The following ASXL2 variants were observed in gnomAD, a reference collection of about 807,000 sequenced individuals.
ASXL2 encodes putative Polycomb group protein ASXL2.
In ASXL2, 23 loss-of-function variants were observed where a neutral mutation model predicts 122.0. The ratio of observed to expected loss-of-function variants is 0.19; its 90% CI spans 0.14 to 0.27. The LOEUF is 0.27. Among genes scored for constraint, ASXL2 ranks in the 10% least tolerant of loss-of-function variants. The pLI is 1.00. For synonymous variants in ASXL2, 650 were observed against 637.0 expected (o/e 1.02, Z -0.31); for missense variants, 1,518 against 1,713.8 (o/e 0.89, Z 2.02).
intron 1 of ASXL2, among the ~76,000 whole-genome samples, chr2:25,847,365 C>CT (rs1465907314): frequency 8.5e-5 from 13 of 152,268 alleles, no homozygotes; most frequent in African/African-American, 2.9e-4. Flanking sequence ...TTGTAGATGT[C>CT]TTTTTCTATG....
intron 1 of ASXL2, among the ~76,000 whole-genome samples, chr2:25,848,977 G>A (rs925734880): frequency 1.3e-4 from 19 of 144,982 alleles, no homozygotes; most frequent in South Asian, 2.2e-4. Flanking sequence ...ACCAGGAGGC[G>A]GAGGTTGCAG....
rs1009212266 is a variant in ASXL2, at chr2:25,744,534, C to A, written c.1861-58G>T. ...GCTTAGTTTTCATTTGTAAGAATAA[C>A]AAAACTTCATTAGCCCTCACATTTT... On this transcript the variant is annotated intron_variant, in intron 12 of 12. Transcript: ENST00000435504. This position sits in a 1 kb window ranked among gnomAD's most constrained non-coding sequence, Gnocchi z 4.7. The A allele has an allele frequency of 1.3e-6, 2 of 1,513,052 alleles. No homozygotes were observed. Among genetic ancestry groups the A allele is most frequent in the Non-Finnish European group, 1.8e-6 (2 of 1,134,762 alleles). The allele number at this position is 1,513,052 out of a possible 1,614,324, so 93.7% of individuals were successfully genotyped here.
intron 8 of ASXL2, among the ~76,000 whole-genome samples, chr2:25,766,973 T>C (rs1247951069): frequency 6.6e-6 from 1 of 152,182 alleles, no homozygotes. Flanking sequence ...CTTATGTGGC[T>C]GCTTTATCCC....
chr2:25,810,043 C>T lies in ASXL2; in HGVS notation c.144-3706G>A, dbSNP rs1259058507. ...CAGTTGTCTTTTCCAGCTTGGCTACCGATCTCTCAGCAAACTCAGCACAGG... is the reference window on the plus strand; with the variant it reads ...CAGTTGTCTTTTCCAGCTTGGCTACTGATCTCTCAGCAAACTCAGCACAGG... On this transcript the variant is annotated intron_variant, in intron 3 of 12. Coordinates refer to ENST00000435504, the MANE Select transcript of ASXL2 (RefSeq NM_018263.6). 6.2e-5 allele frequency: 34 copies of T among 551,642 alleles called. No individual in the cohort carries two copies. In the Middle Eastern group the frequency reaches 1.5e-3, roughly 25 times the overall value. The allele number at this position is 551,642 out of a possible 1,614,324, so 34.2% of individuals were successfully genotyped here.
At chr2:25,795,162 C>T (rs748382968) in intron 5 of ASXL2, among the ~76,000 whole-genome samples, 7 of 152,094 alleles carry the variant, frequency 4.6e-5, no homozygotes, top group East Asian at 3.8e-4. Context: ...TACCACACAC[C>T]GCCCATTTTC....
chr2:25,741,555 A>G lies in ASXL2; in HGVS notation c.*474T>C. 4.3e-6 allele frequency: 1 copy of G among 233,336 alleles called. No individual in the cohort carries two copies. The highest frequency in any genetic ancestry group is 8.5e-6 in the Non-Finnish European group (1 of 117,766). 14.5% of individuals were successfully genotyped at this position (233,336 alleles called of 1,614,324 possible). A position where few individuals can be genotyped will look rare whatever the true frequency, so the allele number is the denominator to read the frequency against. ...AATAATCTATGAATAACCTGCGGCC[A>G]GACTGTCCAGACAAAATCAGTGTGA... is the stretch of plus-strand genomic sequence containing the variant. On this transcript the variant is annotated 3_prime_UTR_variant, in exon 13 of 13. Coordinates refer to ENST00000435504, the MANE Select transcript of ASXL2 (RefSeq NM_018263.6).
chr2:25,799,369 G>T lies in ASXL2; in HGVS notation c.403+16C>A. 1 of 1,613,892 alleles carries T rather than the reference G, an allele frequency of 6.2e-7. No homozygotes were observed. The highest frequency in any genetic ancestry group is 2.2e-5 in the East Asian group (1 of 44,872). On this transcript the variant is annotated intron_variant, in intron 5 of 12. Coordinates refer to ENST00000435504, the MANE Select transcript of ASXL2 (RefSeq NM_018263.6). The stretch of plus-strand genomic sequence containing the variant: ...TACAGCATTTAGTACTTTATTGAAG[G>T]ATCAGGTGGATTTACCTTTCCTTTT...
chr2:25,771,457 T>C lies in ASXL2; in HGVS notation c.487A>G (p.Lys163Glu). ...ATGCTTACCTGCTTTAGTGCCTTCT[T>C]GCTGTGCTTCTGTGATGGAGAAATG... is the stretch of plus-strand genomic sequence containing the variant. ...KVISPSQKHS[K>E]KALKQALKQQ... Residue 163 changes from lysine (K) to glutamate (E), a missense_variant, in exon 6 of 13, where the codon AAG becomes GAG. Coordinates refer to ENST00000435504, the MANE Select transcript of ASXL2 (RefSeq NM_018263.6). 1 of 1,613,442 alleles carries C rather than the reference T, an allele frequency of 6.2e-7. No individual in the cohort carries two copies. The highest frequency in any genetic ancestry group is 8.5e-7 in the Non-Finnish European group (1 of 1,179,502).
chr2:25,800,147 A>G (rs2088973786), intron 4 of ASXL2, among the ~76,000 whole-genome samples: 1 of 152,112 alleles, frequency 6.6e-6, no homozygotes, highest in Non-Finnish European at 1.5e-5. Context: ...AAATACAAAA[A>G]TTAGCCAGGT....
chr2:25,812,039 C>T (rs950482193), intron 3 of ASXL2, among the ~76,000 whole-genome samples: 2 of 151,986 alleles, frequency 1.3e-5, no homozygotes, highest in Non-Finnish European at 2.9e-5. Flanking sequence ...AGGTGTCAGC[C>T]ACTGTGCCTG....
intron 10 of ASXL2, 71 bp downstream of exon 10, chr2:25,755,947 T>C: frequency 2.4e-6 from 3 of 1,262,962 alleles, no homozygotes; most frequent in South Asian, 2.4e-5. Context: ...AACTGCGTAA[T>C]TACCTGATGA....
chr2:25,850,618 G>A (rs1299620549), intron 1 of ASXL2, among the ~76,000 whole-genome samples: 1 of 152,170 alleles, frequency 6.6e-6, no homozygotes, highest in Non-Finnish European at 1.5e-5. Context: ...GAGATGCTAA[G>A]ATATATCAGT....
chr2:25,871,244 T>C (rs986331292), intron 1 of ASXL2, among the ~76,000 whole-genome samples: 4 of 151,912 alleles, frequency 2.6e-5, no homozygotes, highest in African/African-American at 9.7e-5. Flanking sequence ...AGATAGCAAG[T>C]TTAGTTATAT....
At chr2:25,818,587 C>T (rs2089268850) in intron 3 of ASXL2, among the ~76,000 whole-genome samples, 2 of 152,130 alleles carry the variant, frequency 1.3e-5, no homozygotes, top group African/African-American at 4.8e-5. Context: ...TACCCTAAAG[C>T]AATAAATGAC....
chr2:25,811,423 A>T (rs1190080174), intron 3 of ASXL2, among the ~76,000 whole-genome samples: 3 of 152,082 alleles, frequency 2.0e-5, no homozygotes, highest in Non-Finnish European at 4.4e-5. Context: ...AACTACAGAA[A>T]ATATATGAAG....
chr2:25,780,536 T>A (rs554935208), intron 5 of ASXL2, among the ~76,000 whole-genome samples: 1 of 152,176 alleles, frequency 6.6e-6, no homozygotes, highest in Non-Finnish European at 1.5e-5. Flanking sequence ...ATGAAAATTA[T>A]TGGGTGGAAG....
chr2:25,774,859 T>C (rs1028924427), intron 5 of ASXL2, among the ~76,000 whole-genome samples: 6 of 152,238 alleles, frequency 3.9e-5, no homozygotes, highest in Non-Finnish European at 2.9e-5. Context: ...GTATTCTCTG[T>C]CATTTTCATT....
At chr2:25,857,090 C>T (rs930853679) in intron 1 of ASXL2, 19 of 58,478 alleles carry the variant, frequency 3.2e-4, no homozygotes, top group South Asian at 6.9e-4. Context: ...TTGGGGGGGG[C>T]GGGGGGGGGG....
intron 9 of ASXL2, among the ~76,000 whole-genome samples, chr2:25,759,147 GT>G (rs2088192321): frequency 6.6e-6 from 1 of 152,084 alleles, no homozygotes; most frequent in Admixed American, 6.5e-5. Context: ...TAGAGACAGG[GT>G]TTTGCCATGT....
Sources: gnomAD v4.1 joint callset for allele counts (sites outside exome capture counted in the v4.1 genomes callset) on GRCh38, gnomAD v4.1.1 for gene constraint, Gnocchi (gnomAD v3.1) non-coding constraint, MANE v1.5 for transcripts, NCBI Gene and HGNC (gene_info 2026-07-23, HGNC 2026-07-21) for gene names.